Variants in HS6ST3 observed in about 807,000 individuals in gnomAD.
HS6ST3 encodes the protein heparan sulfate 6-O-sulfotransferase 3.
HS6ST3 carries 12 observed loss-of-function variants against 36.7 expected under a neutral mutation model. The observed-to-expected ratio is 0.33, with a 90% CI of 0.21 to 0.53. The LOEUF (loss-of-function observed/expected upper bound fraction) is 0.53. Among genes scored for constraint, HS6ST3 ranks in the 20% least tolerant of loss-of-function variants. HS6ST3 has a pLI of 0.95. For synonymous variants in HS6ST3, 240 were observed against 257.5 expected (o/e 0.93, Z 0.65); for missense variants, 584 against 640.9 (o/e 0.91, Z 0.96).
chr13:96,632,320 TGTTTGTTTG>T (rs1394272763), intron 1 of HS6ST3, among the ~76,000 whole-genome samples: 2 of 150,548 alleles, frequency 1.3e-5, no homozygotes, highest in African/African-American at 4.9e-5. Flanking sequence ...TGTTTTTTTT[TGTTTGTTTG>T]TTTTTGTTTT....
At chr13:96,452,654 A>T (rs2055733918) in intron 1 of HS6ST3, among the ~76,000 whole-genome samples, 1 of 152,180 alleles carries the variant, frequency 6.6e-6, no homozygotes. Context: ...GAACTGTTAG[A>T]TTATTTAGGG....
At chr13:96,611,942 T>C (rs2056458358) in intron 1 of HS6ST3, among the ~76,000 whole-genome samples, 4 of 152,098 alleles carry the variant, frequency 2.6e-5, no homozygotes, top group Admixed American at 2.6e-4. Context: ...GAAAGTAACA[T>C]GGCATTTGCA....
intron 1 of HS6ST3, among the ~76,000 whole-genome samples, chr13:96,668,686 C>CTTTTTTTTTTTTTT (rs146033180): frequency 5.1e-5 from 3 of 58,942 alleles, no homozygotes; most frequent in South Asian, 7.4e-4. Context: ...TAGTGCCAAC[C>CTTTTTTTTTTTTTT]TTTTTTTTTT....
intron 1 of HS6ST3, among the ~76,000 whole-genome samples, chr13:96,387,443 GA>G (rs1555302289): frequency 6.6e-6 from 1 of 152,122 alleles, no homozygotes; most frequent in Non-Finnish European, 1.5e-5. Context: ...TTCTGCACAG[GA>G]ATAATACTTC....
chr13:96,158,652 C>CAAAAAA lies in HS6ST3; in HGVS notation c.707+67101_707+67106dup, dbSNP rs397954592. Reference sequence around the variant, plus strand: ...TGGGAGACAGAGCGAGACTCCGTCTCAAAAAAAAAAAAAAAAAAAAAAATA... The same window carrying CAAAAAA: ...TGGGAGACAGAGCGAGACTCCGTCTCAAAAAAAAAAAAAAAAAAAAAAAAAAAAATA... On this transcript the variant is annotated intron_variant, in intron 1 of 1. Coordinates refer to ENST00000376705, the MANE Select transcript of HS6ST3 (RefSeq NM_153456.4). Among the ~76,000 whole-genome samples the CAAAAAA allele has an allele frequency of 2.0e-4, 14 of 68,872 alleles. 1 individual carries two copies. The highest frequency in any genetic ancestry group is 7.1e-4 in the South Asian group (1 of 1,400). The allele number at this position is 68,872 out of a possible 152,430, so 45.2% of individuals were successfully genotyped here. A position where few individuals can be genotyped will look rare whatever the true frequency, so the allele number is the denominator to read the frequency against.
At chr13:96,587,959 A>C (rs1360597565) in intron 1 of HS6ST3, among the ~76,000 whole-genome samples, 3 of 152,178 alleles carry the variant, frequency 2.0e-5, no homozygotes, top group Non-Finnish European at 4.4e-5. Flanking sequence ...CAGTATGGAG[A>C]TATTTTACCT....
In HS6ST3 at chr13:96,632,324, T is replaced by A. The variant is rs574456110; in HGVS notation, c.708-200166T>A. ...ATAAATTTCTGTGTTTTTTTTTGTT[T>A]GTTTGTTTTTGTTTTTTTGTTTTTT... On this transcript the variant is annotated intron_variant, in intron 1 of 1. Transcript: ENST00000376705. 4.8e-3 allele frequency among the ~76,000 whole-genome samples: 729 copies of A among 152,012 alleles called. 6 individuals carry two copies. Among genetic ancestry groups the A allele is most frequent in the African/African-American group, 0.016 (678 of 41,452 alleles).
At chr13:96,482,214 A>G (rs1002096337) in intron 1 of HS6ST3, among the ~76,000 whole-genome samples, 1 of 152,180 alleles carries the variant, frequency 6.6e-6, no homozygotes, top group Non-Finnish European at 1.5e-5. Context: ...GATATTTACT[A>G]GTTACCTATG....
chr13:96,531,976 T>A (rs2056137347), intron 1 of HS6ST3, among the ~76,000 whole-genome samples: 1 of 152,200 alleles, frequency 6.6e-6, no homozygotes, highest in Admixed American at 6.5e-5. Context: ...CTCTTTCTCT[T>A]CTAAATAGAA....
At chr13:96,525,641 A>G (rs887600497) in intron 1 of HS6ST3, among the ~76,000 whole-genome samples, 3 of 152,244 alleles carry the variant, frequency 2.0e-5, no homozygotes, top group Non-Finnish European at 4.4e-5. Context: ...TTTCAAATCC[A>G]TGACTTTGAA....
chr13:96,232,355 AAGG>A lies in HS6ST3; in HGVS notation c.707+140790_707+140792del, dbSNP rs1250739209. On this transcript the variant is annotated intron_variant, in intron 1 of 1. Transcript: ENST00000376705. ...ATCATAGGATTGTAGTAATAAGGAA[AAGG>A]AGGTGTTGGGGATAGTAGAGTCAGA... Among the ~76,000 whole-genome samples the A allele has an allele frequency of 4.6e-5, 7 of 152,226 alleles. No individual in the cohort carries two copies. In the East Asian group the frequency reaches 1.2e-3, roughly 25 times the overall value.
chr13:96,719,146 C>T (rs950472162), intron 1 of HS6ST3, among the ~76,000 whole-genome samples: 6 of 151,726 alleles, frequency 4.0e-5, no homozygotes, highest in East Asian at 3.9e-4. Flanking sequence ...TGGTGGCGGG[C>T]GCCTGTAGTC....
intron 1 of HS6ST3, among the ~76,000 whole-genome samples, chr13:96,658,292 T>TTTG (rs2056633749): frequency 9.0e-6 from 1 of 111,310 alleles, no homozygotes; most frequent in African/African-American, 3.7e-5. Flanking sequence ...TTTTTTTTTT[T>TTTG]TTTTTTGAGA....
intron 1 of HS6ST3, among the ~76,000 whole-genome samples, chr13:96,451,118 AAATTTAATGTGTAATGT>A (rs1594783162): frequency 1.3e-5 from 2 of 152,042 alleles, no homozygotes; most frequent in African/African-American, 4.8e-5. Context: ...TACACATTAA[AAATTTAATGTGTAATGT>A]AATTTAATGT....
chr13:96,307,481 TAAAA>T (rs1416722869), intron 1 of HS6ST3, among the ~76,000 whole-genome samples: 1 of 152,120 alleles, frequency 6.6e-6, no homozygotes, highest in African/African-American at 2.4e-5. Context: ...ATGAGTCTGT[TAAAA>T]AAACTGCCGA....
At chr13:96,772,602 C>A (rs1877290329) in intron 1 of HS6ST3, among the ~76,000 whole-genome samples, 1 of 152,140 alleles carries the variant, frequency 6.6e-6, no homozygotes, top group African/African-American at 2.4e-5. Flanking sequence ...TTATTAAGCA[C>A]CTTCTGTGAG....
intron 1 of HS6ST3, among the ~76,000 whole-genome samples, chr13:96,177,336 G>C (rs558745900): frequency 6.6e-6 from 1 of 152,184 alleles, no homozygotes; most frequent in Non-Finnish European, 1.5e-5. Flanking sequence ...GTTCATCACA[G>C]CACTATTCAC....
At chr13:96,722,216 C>T (rs1346978536) in intron 1 of HS6ST3, among the ~76,000 whole-genome samples, 3 of 151,984 alleles carry the variant, frequency 2.0e-5, no homozygotes, top group Non-Finnish European at 4.4e-5. Flanking sequence ...AGTGAGCCAA[C>T]ATTGTGCCAC....
rs548382718 is a variant in HS6ST3 at position 96,404,657 on chromosome 13, T to C, written c.707+313088T>C. Among the ~76,000 whole-genome samples, 12 of 152,240 alleles carry C rather than the reference T, an allele frequency of 7.9e-5. 1 individual carries two copies. The South Asian group carries it at 2.5e-3, about 32-fold the overall frequency. On this transcript the variant is annotated intron_variant, in intron 1 of 1. Coordinates refer to ENST00000376705, the MANE Select transcript of HS6ST3 (RefSeq NM_153456.4). The stretch of plus-strand genomic sequence containing the variant: ...CAAATAGGGCCAATAAGCCAAGAAG[T>C]TGGCAAAAGGCCAATACCTTAAAAG...
Sources: gnomAD v4.1 joint callset for allele counts (sites outside exome capture counted in the v4.1 genomes callset) on GRCh38, gnomAD v4.1.1 for gene constraint, MANE v1.5 for transcripts, NCBI Gene and HGNC (gene_info 2026-07-23, HGNC 2026-07-21) for gene names.